The following THADA variants were observed in gnomAD, a reference collection of about 807,000 sequenced individuals.
THADA encodes the protein THADA armadillo repeat containing.
In THADA, 213 loss-of-function variants were observed where a neutral mutation model predicts 219.8. The ratio of observed to expected loss-of-function variants is 0.97; its 90% CI spans 0.87 to 1.09. The LOEUF (loss-of-function observed/expected upper bound fraction) is 1.09, where lower values mean the gene tolerates loss of function less well. Among genes scored for constraint, THADA ranks in the 50% least tolerant of loss-of-function variants. THADA has a pLI of 0.00. For synonymous variants in THADA, 1,018 were observed against 828.9 expected (o/e 1.23, Z -3.92); for missense variants, 2,956 against 2,311.3 (o/e 1.28, Z -5.72).
Position 43,570,392 on chromosome 2 carries a change from T to C in THADA, c.2183A>G (p.Tyr728Cys), listed in dbSNP as rs370630026. 1.1e-5 allele frequency: 18 copies of C among 1,610,366 alleles called. No homozygotes were observed. Among genetic ancestry groups the C allele is most frequent in the Middle Eastern group, 1.7e-4 (1 of 6,042 alleles). Reference sequence around the variant, plus strand: ...GTTTAGAAATATATCACCTACCTTATACTGCTGTAAAGAAACAGAAGGGTG... The same window carrying C: ...GTTTAGAAATATATCACCTACCTTACACTGCTGTAAAGAAACAGAAGGGTG... ...KQHPSVSLQQ[Y>C]KNFMSSICNS... is the part of the protein sequence containing the mutation. Residue 728 changes from tyrosine to cysteine, a missense_variant, in exon 14 of 38, where the codon TAT becomes TGT. Coordinates refer to ENST00000405975, the MANE Select transcript of THADA (RefSeq NM_022065.5).
chr2:43,437,637 G>A (rs969480853), intron 26 of THADA, among the ~76,000 whole-genome samples: 3 of 152,226 alleles, frequency 2.0e-5, no homozygotes, highest in African/African-American at 7.2e-5. Flanking sequence ...ATGGGAGACA[G>A]ATGCTGTTGA....
chr2:43,338,505 CAA>C (rs1666732900), intron 30 of THADA, among the ~76,000 whole-genome samples: 1 of 152,146 alleles, frequency 6.6e-6, no homozygotes, highest in African/African-American at 2.4e-5. Context: ...ATCCATTAAA[CAA>C]TGCCCCATTT....
At chr2:43,309,652 T>C (rs142789015) in intron 31 of THADA, among the ~76,000 whole-genome samples, 9 of 152,170 alleles carry the variant, frequency 5.9e-5, no homozygotes, top group African/African-American at 2.2e-4. Flanking sequence ...TTCTCCAACC[T>C]GACAAAAGGC....
intron 29 of THADA, among the ~76,000 whole-genome samples, chr2:43,344,775 T>G (rs1472823358): frequency 6.6e-6 from 1 of 152,142 alleles, no homozygotes; most frequent in Non-Finnish European, 1.5e-5. Flanking sequence ...TTTGTTTTTT[T>G]TTTTTAGCAG....
At chr2:43,583,509 G>A (rs1700678541) in intron 7 of THADA, among the ~76,000 whole-genome samples, 1 of 152,090 alleles carries the variant, frequency 6.6e-6, no homozygotes, top group East Asian at 1.9e-4. Flanking sequence ...AAACAACTTG[G>A]TAGTTCCTCA....
chr2:43,561,782 T>C (rs1479227275), intron 15 of THADA, among the ~76,000 whole-genome samples: 4 of 152,202 alleles, frequency 2.6e-5, no homozygotes, highest in Admixed American at 1.3e-4. Context: ...TTCAGTACAA[T>C]GGTGAACAGC....
intron 29 of THADA, among the ~76,000 whole-genome samples, chr2:43,377,082 T>C (rs1671463890): frequency 6.6e-6 from 1 of 151,782 alleles, no homozygotes; most frequent in African/African-American, 2.4e-5. Flanking sequence ...GCCCCGGGAG[T>C]GGCACAATAT....
chr2:43,271,356 C>T (rs749328425), intron 36 of THADA, among the ~76,000 whole-genome samples: 8 of 152,226 alleles, frequency 5.3e-5, no homozygotes, highest in East Asian at 3.9e-4. Context: ...CTAAGGCAGG[C>T]GATTTAATCT....
At chr2:43,313,287 G>C (rs542346536) in intron 31 of THADA, among the ~76,000 whole-genome samples, 89 of 152,282 alleles carry the variant, frequency 5.8e-4, no homozygotes, top group African/African-American at 2.1e-3. Context: ...ATCGTACACT[G>C]ATCTACAGAG....
At chr2:43,589,980 T>C (rs1405870651) in intron 4 of THADA, among the ~76,000 whole-genome samples, 1 of 152,152 alleles carries the variant, frequency 6.6e-6, no homozygotes, top group Non-Finnish European at 1.5e-5. Context: ...CAGAGCATTC[T>C]GTAGAGTATA....
rs150490089 is a variant in THADA at position 43,574,855 on chromosome 2, A to G, written c.1210T>C (p.Leu404=). The G allele has an allele frequency of 3.3e-4, 528 of 1,613,996 alleles. 1 individual carries two copies. The African/African-American group carries it at 6.5e-3, about 20-fold the overall frequency. Residue 404 remains leucine, a synonymous_variant, in exon 11 of 38, where the codon TTG becomes CTG. Coordinates refer to ENST00000405975, the MANE Select transcript of THADA (RefSeq NM_022065.5). ...EYVYTHWEHP[L]DALRHQTKIM... is the part of the protein sequence containing the mutation. ...TTGGTTTGGTGTCTCAGAGCATCCA[A>G]TGGATGTTCCCAATGGGTATAGACA... is the stretch of plus-strand genomic sequence containing the variant.
At chr2:43,546,245 T>C (rs950878156) in intron 20 of THADA, among the ~76,000 whole-genome samples, 3 of 152,136 alleles carry the variant, frequency 2.0e-5, no homozygotes, top group Non-Finnish European at 4.4e-5. Flanking sequence ...CAGTTTGTTA[T>C]AATGTCTGAT....
At chr2:43,459,065 T>A (rs1345633489) in intron 26 of THADA, among the ~76,000 whole-genome samples, 1 of 152,184 alleles carries the variant, frequency 6.6e-6, no homozygotes, top group Non-Finnish European at 1.5e-5. Context: ...TGAGCACAAC[T>A]TTCCAATCCA....
At chr2:43,248,188 GAGAGAGAGAGAGAGAGAGAGAGAGAGAC>G (rs1669427187) in intron 36 of THADA, among the ~76,000 whole-genome samples, 4 of 127,846 alleles carry the variant, frequency 3.1e-5, no homozygotes, top group East Asian at 2.2e-4. Flanking sequence ...GAGAGAGAGA[GAGAGAGAGAGAGAGAGAGAGAGAGAGAC>G]AGAGAGAGAG....
chr2:43,480,560 C>A (rs192839055), intron 26 of THADA, among the ~76,000 whole-genome samples: 1 of 152,172 alleles, frequency 6.6e-6, no homozygotes, highest in East Asian at 1.9e-4. Flanking sequence ...GCCTATAATC[C>A]CAGCACTTTG....
chr2:43,299,396 C>T (rs1218263782), intron 31 of THADA, among the ~76,000 whole-genome samples: 1 of 152,202 alleles, frequency 6.6e-6, no homozygotes, highest in Admixed American at 6.5e-5. Flanking sequence ...CAGTGGCTCA[C>T]GCCTGTAATC....
At chr2:43,244,029 A>G (rs1260949173) in intron 36 of THADA, among the ~76,000 whole-genome samples, 1 of 152,186 alleles carries the variant, frequency 6.6e-6, no homozygotes, top group Non-Finnish European at 1.5e-5. Flanking sequence ...CTTTATTATT[A>G]TTTTTAATCA....
chr2:43,267,299 G>GGGT (rs536546017), intron 36 of THADA, among the ~76,000 whole-genome samples: 295 of 152,346 alleles, frequency 1.9e-3, no homozygotes, highest in African/African-American at 6.7e-3. Context: ...CCACCTGAGA[G>GGGT]GGTGGACTCC....
chr2:43,260,469 C>G (rs535366127), intron 36 of THADA, among the ~76,000 whole-genome samples: 2 of 152,004 alleles, frequency 1.3e-5, no homozygotes, highest in Non-Finnish European at 2.9e-5. Context: ...ACTTAATTGC[C>G]TAATATATTG....
Sources: allele counts gnomAD v4.1 joint callset (sites outside exome capture counted in the v4.1 genomes callset), GRCh38; gene constraint gnomAD v4.1.1; transcripts MANE v1.5; gene names NCBI Gene and HGNC (gene_info 2026-07-23, HGNC 2026-07-21).